GALNT13: variants seen among roughly 807,000 people sequenced by gnomAD.
The protein encoded by GALNT13 is polypeptide N-acetylgalactosaminyltransferase 13.
A neutral mutation model predicts 64.2 loss-of-function variants in GALNT13; 28 were observed. The observed-to-expected ratio is 0.44, with a 90% confidence interval of 0.32 to 0.60. The LOEUF (loss-of-function observed/expected upper bound fraction) is 0.60, where lower values mean the gene tolerates loss of function less well. Among genes scored for constraint, GALNT13 ranks in the 20% least tolerant of loss-of-function variants. The pLI, the probability that GALNT13 is intolerant of heterozygous loss-of-function variation, is 0.05. For missense variants in GALNT13, 577 were observed against 669.8 expected, an observed-to-expected ratio of 0.86 and a Z score of 1.53; for synonymous variants, 214 against 224.6, an observed-to-expected ratio of 0.95 and a Z score of 0.42.
intron 9 of GALNT13, 124 bp from the exon 10 acceptor site, chr2:154,395,867 G>A (rs932089494): frequency 1.2e-5 from 9 of 722,554 alleles, no homozygotes; most frequent in Non-Finnish European, 1.9e-5. Context: ...TGGAGTAGCA[G>A]CTGCATATGC....
the GALNT13 span, among the ~76,000 whole-genome samples, chr2:153,747,064 T>A: frequency 1.8e-4 from 28 of 152,246 alleles, no homozygotes; most frequent in East Asian, 1.5e-3. Flanking sequence ...TGTAATTTTT[T>A]AAATTTTTAA....
intron 8 of GALNT13, among the ~76,000 whole-genome samples, chr2:154,286,381 A>G (rs1692267780): frequency 6.6e-6 from 1 of 152,170 alleles, no homozygotes; most frequent in Non-Finnish European, 1.5e-5. Context: ...AGTTTTAAAC[A>G]TAAAGCGATA....
the GALNT13 span, among the ~76,000 whole-genome samples, chr2:153,725,328 G>A: frequency 6.6e-6 from 1 of 151,366 alleles, no homozygotes; most frequent in East Asian, 2.0e-4. Flanking sequence ...AGGGGGGAGG[G>A]ATAGCATTGG....
the GALNT13 span, among the ~76,000 whole-genome samples, chr2:153,749,739 T>C: frequency 2.6e-5 from 4 of 151,970 alleles, no homozygotes; most frequent in Admixed American, 2.0e-4. Flanking sequence ...TTGTGGCATC[T>C]TTAGATTTTT....
intron 3 of GALNT13, among the ~76,000 whole-genome samples, chr2:154,120,528 T>C (rs1681880834): frequency 6.6e-6 from 1 of 152,198 alleles, no homozygotes; most frequent in Non-Finnish European, 1.5e-5. Flanking sequence ...GTCAAACCAG[T>C]GTAGCCCCTT....
chr2:154,135,317 T>C (rs1682886849), intron 3 of GALNT13, among the ~76,000 whole-genome samples: 1 of 152,194 alleles, frequency 6.6e-6, no homozygotes, highest in South Asian at 2.1e-4. Flanking sequence ...TAATCTCTCT[T>C]AGCTAGCTGA....
the GALNT13 span, among the ~76,000 whole-genome samples, chr2:153,670,536 C>G: frequency 6.6e-6 from 1 of 152,204 alleles, no homozygotes. Flanking sequence ...CACCAAAACC[C>G]TATCCATACC....
rs1470494482 is a variant in GALNT13 at position 154,451,777 on chromosome 2, T to A, written c.*1226T>A. 6.6e-6 allele frequency: 1 copy of A among 152,134 alleles called. No individual in the cohort carries two copies. Among genetic ancestry groups the A allele is most frequent in the Non-Finnish European group, 1.5e-5 (1 of 68,024 alleles). The allele number at this position is 152,134 out of a possible 1,614,324, so 9.4% of individuals were successfully genotyped here. ...TGAAAAAAAATCAGATTTTTGCTAG[T>A]AAGTTTTTATATTTGACATCATTTT... On this transcript the variant is annotated 3_prime_UTR_variant, in exon 13 of 13. Transcript: ENST00000392825.
chr2:154,437,488 G>GA, intron 11 of GALNT13: 1 of 1,216,446 alleles, frequency 8.2e-7, no homozygotes. Context: ...CAAGGAGAAA[G>GA]AAAAACCCAC....
chr2:153,509,726 A>G, the GALNT13 span, among the ~76,000 whole-genome samples: 1 of 152,160 alleles, frequency 6.6e-6, no homozygotes, highest in Non-Finnish European at 1.5e-5. Context: ...AATTACAACT[A>G]CTTTCTTCCT....
the GALNT13 span, among the ~76,000 whole-genome samples, chr2:153,443,221 G>A: frequency 2.0e-5 from 3 of 152,300 alleles, no homozygotes; most frequent in South Asian, 6.2e-4. Flanking sequence ...TGCAAACACT[G>A]TGGGAAAAGT....
the GALNT13 span, among the ~76,000 whole-genome samples, chr2:153,106,860 G>A: frequency 6.6e-6 from 1 of 152,102 alleles, no homozygotes; most frequent in African/African-American, 2.4e-5. Context: ...ATAGATATTT[G>A]TAGCTATAAT....
chr2:153,729,109 AAAG>A, the GALNT13 span, among the ~76,000 whole-genome samples: 1 of 152,260 alleles, frequency 6.6e-6, no homozygotes, highest in Non-Finnish European at 1.5e-5. Context: ...CGCAATAGAA[AAAG>A]AAGGACTACT....
the GALNT13 span, among the ~76,000 whole-genome samples, chr2:153,524,626 C>T: frequency 2.0e-5 from 3 of 152,104 alleles, no homozygotes; most frequent in Admixed American, 6.5e-5. Flanking sequence ...GTGAGCAGTG[C>T]AGTCCTGTTA....
intron 3 of GALNT13, among the ~76,000 whole-genome samples, chr2:154,030,266 C>T (rs947222696): frequency 1.1e-4 from 17 of 151,872 alleles, no homozygotes; most frequent in Admixed American, 3.3e-4. Context: ...TGCTAAACAC[C>T]GAAGTTAAAA....
intron 3 of GALNT13, among the ~76,000 whole-genome samples, chr2:154,105,547 C>T (rs191094322): frequency 5.9e-5 from 9 of 152,172 alleles, no homozygotes; most frequent in African/African-American, 1.9e-4. Flanking sequence ...GTCTATCCCA[C>T]CTAGATTTAT....
chr2:153,244,005 C>T, the GALNT13 span, among the ~76,000 whole-genome samples: 1 of 150,174 alleles, frequency 6.7e-6, no homozygotes, highest in Non-Finnish European at 1.5e-5. Flanking sequence ...TAAAGATGCA[C>T]TAATGCAAAC....
At chr2:153,700,783 A>G in the GALNT13 span, among the ~76,000 whole-genome samples, 1 of 152,150 alleles carries the variant, frequency 6.6e-6, no homozygotes, top group Admixed American at 6.5e-5. Context: ...TATACCTAAC[A>G]AGGGACACGA....
chr2:154,179,372 T>C (rs1169175888), intron 4 of GALNT13, among the ~76,000 whole-genome samples: 2 of 152,204 alleles, frequency 1.3e-5, no homozygotes, highest in Admixed American at 1.3e-4. Flanking sequence ...ATGTGAAATA[T>C]ATAATGCTGT....
Sources: gnomAD v4.1 joint callset for allele counts (sites outside exome capture counted in the v4.1 genomes callset) on GRCh38, gnomAD v4.1.1 for gene constraint, MANE v1.5 for transcripts, NCBI Gene and HGNC (gene_info 2026-07-23, HGNC 2026-07-21) for gene names.